Variants in ADH1A observed in about 807,000 individuals in gnomAD.
ADH1A encodes the protein alcohol dehydrogenase 1A (class I), alpha polypeptide.
A neutral mutation model predicts 35.2 loss-of-function variants in ADH1A; 29 were observed. The observed-to-expected ratio is 0.82, with a 90% CI of 0.61 to 1.12. The LOEUF is 1.12. Among genes scored for constraint, ADH1A ranks in the 50% most tolerant of loss-of-function variants. The probability of loss-of-function intolerance (pLI) is 0.00; values close to 1 mark genes in which losing one functional copy is unlikely to be tolerated. For missense variants in ADH1A, 469 were observed against 464.7 expected (o/e 1.01, Z -0.09); for synonymous variants, 147 against 164.8 (o/e 0.89, Z 0.83).
At chr4:99,285,114 A>T (rs750453358) in intron 3 of ADH1A, among the ~76,000 whole-genome samples, 8 of 152,242 alleles carry the variant, frequency 5.3e-5, no homozygotes, top group Non-Finnish European at 1.0e-4. Context: ...GAGGCTTTAC[A>T]AACATTTAAT....
rs1343001329 is a variant in ADH1A, at chr4:99,276,667, G to A, written c.1104-19C>T. 2 of 1,607,392 alleles carry A rather than the reference G, an allele frequency of 1.2e-6. No homozygotes were observed. The highest frequency in any genetic ancestry group is 8.5e-7 in the Non-Finnish European group (1 of 1,173,988). On this transcript the variant is annotated intron_variant, in intron 8 of 8. Coordinates refer to ENST00000209668, the MANE Select transcript of ADH1A (RefSeq NM_000667.4). ...ACGGATACTGCAATAGGAAAGAAGA[G>A]ACATTGTATTAGCATTTAGACATGC...
In ADH1A at chr4:99,284,579, G is replaced by A. The variant is rs374126806; in HGVS notation, c.387C>T (p.Ser129=). Reference sequence around the variant, plus strand: ...TGGGCTTCCTCCTGCAGGTGAACCTGCTGGTGCCATCCTGCAGGGTCCCCT... The same window carrying A: ...TGGGCTTCCTCCTGCAGGTGAACCTACTGGTGCCATCCTGCAGGGTCCCCT... ...NPQGTLQDGT[S]RFTCRRKPIH... is the part of the protein sequence containing the mutation. Residue 129 remains serine, a synonymous_variant, in exon 5 of 9, where the codon AGC becomes AGT. Transcript: ENST00000209668. 1.1e-5 allele frequency: 17 copies of A among 1,614,220 alleles called. No individual in the cohort carries two copies. In the South Asian group the frequency reaches 1.2e-4, roughly 11 times the overall value.
rs747844541 is a variant in ADH1A at position 99,282,602 on chromosome 4, G to A, written c.572C>T (p.Thr191Ile). 72 of 1,609,820 alleles carry A rather than the reference G, an allele frequency of 4.5e-5. No homozygotes were observed. The highest frequency in any genetic ancestry group is 5.8e-5 in the Non-Finnish European group (68 of 1,178,348). The stretch of plus-strand genomic sequence containing the variant: ...AAACACAGCACAGGTAGAGCCTGGG[G>A]TGACCTGTGTTTTCAGAAAATGCAA... ...YGSAVNVAKV[T>I]PGSTCAVFGL... The change falls in exon 6 of 9, where the codon ACC becomes ATC. Residue 191 changes from threonine (T) to isoleucine (I), a missense_variant. Thr to Ile is a moderately conservative substitution (Grantham distance 89). Coordinates refer to ENST00000209668, the MANE Select transcript of ADH1A (RefSeq NM_000667.4).
intron 8 of ADH1A, among the ~76,000 whole-genome samples, chr4:99,277,596 A>G (rs1169165578): frequency 2.6e-5 from 4 of 152,226 alleles, no homozygotes; most frequent in African/African-American, 9.6e-5. Flanking sequence ...TGTTTACTTG[A>G]ATTTCTATCA....
intron 3 of ADH1A, among the ~76,000 whole-genome samples, chr4:99,286,044 G>GAAAAA (rs1733145200): frequency 1.6e-5 from 2 of 127,648 alleles, no homozygotes; most frequent in Non-Finnish European, 3.5e-5. Flanking sequence ...AAAAAAAAGT[G>GAAAAA]ATTTTTTTAG....
At chr4:99,284,076 A>G (rs568824470) in intron 5 of ADH1A, among the ~76,000 whole-genome samples, 1 of 152,326 alleles carries the variant, frequency 6.6e-6, no homozygotes, top group Non-Finnish European at 1.5e-5. Flanking sequence ...TGCCTGAAGC[A>G]TGTGTAGGTG....
At chr4:99,282,136 A>T (rs1377882783) in intron 6 of ADH1A, 3 of 892,696 alleles carry the variant, frequency 3.4e-6, no homozygotes, top group Non-Finnish European at 5.0e-6. Context: ...TTTCCTCTAG[A>T]GGAAATATGA....
At chr4:99,286,685 T>C (rs1733160099) in intron 3 of ADH1A, 165 bp downstream of exon 3, 4 of 1,195,344 alleles carry the variant, frequency 3.3e-6, no homozygotes, top group Admixed American at 2.4e-5. Flanking sequence ...AAGACATACA[T>C]GCTTGAGTCA....
intron 6 of ADH1A, chr4:99,281,278 C>G (rs1177502678): frequency 6.6e-6 from 1 of 152,148 alleles, no homozygotes; most frequent in African/African-American, 2.4e-5. Flanking sequence ...ACGTGTTGGT[C>G]TCTGGAGACT....
chr4:99,277,605 C>T (rs1193864694), intron 8 of ADH1A, among the ~76,000 whole-genome samples: 1 of 152,066 alleles, frequency 6.6e-6, no homozygotes, highest in Non-Finnish European at 1.5e-5. Context: ...GAATTTCTAT[C>T]AACTTCTTAC....
intron 2 of ADH1A, 86 bp downstream of exon 2, chr4:99,287,478 A>C: frequency 1.6e-6 from 2 of 1,270,050 alleles, no homozygotes; most frequent in South Asian, 1.4e-5. Context: ...TATTTTCTGG[A>C]TGATCATATA....
At position 99,290,881 on chromosome 4, in the gene ADH1A, T is replaced by C; in HGVS notation, c.18+16A>G. 3 of 1,611,612 alleles carry C rather than the reference T, an allele frequency of 1.9e-6. No individual in the cohort carries two copies. The highest frequency in any genetic ancestry group is 2.5e-6 in the Non-Finnish European group (3 of 1,177,714). ...GATGAGAATATAGTTCCAACAGTAA[T>C]ATATTTTTTGCTTACTTTTCCTGCT... On this transcript the variant is annotated intron_variant, in intron 1 of 8. Coordinates refer to ENST00000209668, the MANE Select transcript of ADH1A (RefSeq NM_000667.4).
rs1733105783 is a variant in ADH1A at position 99,284,794 on chromosome 4, A to C, written c.269T>G (p.Val90Gly). The C allele has an allele frequency of 1.2e-6, 2 of 1,614,104 alleles. No homozygotes were observed. The highest frequency in any genetic ancestry group is 1.7e-6 in the Non-Finnish European group (2 of 1,179,952). The change falls in exon 4 of 9, where the codon GTC becomes GGC. Residue 90 changes from valine (V) to glycine (G), a missense_variant. Val to Gly is a moderately radical substitution (Grantham distance 109). Transcript: ENST00000209668. ...GVTTVKPGDK[V>G]IPLAIPQCGK... The stretch of plus-strand genomic sequence containing the variant: ...ACACTGAGGAATAGCGAGTGGGATG[A>C]CTTTATCACCTGGAGAGGGATAAAA...
chr4:99,287,712 C>T, intron 1 of ADH1A, 47 bp from the exon 2 acceptor site: 1 of 1,597,216 alleles, frequency 6.3e-7, no homozygotes, highest in Non-Finnish European at 8.6e-7. Flanking sequence ...CCCACGCTTG[C>T]AGTCAGATAT....
At chr4:99,278,706 G>C (rs1732925678) in intron 8 of ADH1A, among the ~76,000 whole-genome samples, 1 of 152,130 alleles carries the variant, frequency 6.6e-6, no homozygotes, top group African/African-American at 2.4e-5. Flanking sequence ...GCAGAAGTTA[G>C]ATATAACTGC....
In ADH1A at chr4:99,279,489, A is replaced by G; in HGVS notation, c.1040T>C (p.Ile347Thr). The change falls in exon 8 of 9, where the codon ATA (isoleucine) becomes ACA (threonine). Residue 347 changes from isoleucine (I) to threonine (T), a missense_variant. Coordinates refer to ENST00000209668, the MANE Select transcript of ADH1A (RefSeq NM_000667.4). Reference sequence around the variant, plus strand: ...TTTTTCAAAAGGTAAAACATGGGTTATTAATGCATCCAATGAAAACTTCTT... The same window carrying G: ...TTTTTCAAAAGGTAAAACATGGGTTGTTAATGCATCCAATGAAAACTTCTT... ...MAKKFSLDAL[I>T]THVLPFEKIN... 3 of 1,612,418 alleles carry G rather than the reference A, an allele frequency of 1.9e-6. No homozygotes were observed. Among genetic ancestry groups the G allele is most frequent in the Non-Finnish European group, 2.5e-6 (3 of 1,179,332 alleles).
intron 5 of ADH1A, among the ~76,000 whole-genome samples, chr4:99,282,845 C>G (rs756094839): frequency 6.6e-6 from 1 of 152,168 alleles, no homozygotes; most frequent in Non-Finnish European, 1.5e-5. Flanking sequence ...ACAGCCCATG[C>G]CAATTAAATG....
chr4:99,286,975 C>T lies in ADH1A; in HGVS notation c.134G>A (p.Gly45Glu). 1 of 1,613,944 alleles carries T rather than the reference C, an allele frequency of 6.2e-7. No individual in the cohort carries two copies. Among genetic ancestry groups the T allele is most frequent in the Non-Finnish European group, 8.5e-7 (1 of 1,179,910 alleles). ...CACGTGGTCATCTGTGCCACAGATT[C>T]CTACAGCCACCATCTACAGAGTGAA... The part of the protein sequence containing the change: ...HEVRIKMVAV[G>E]ICGTDDHVVS... Residue 45 changes from glycine (G) to glutamate (E), a missense_variant, in exon 3 of 9, where the codon GGA becomes GAA. Coordinates refer to ENST00000209668, the MANE Select transcript of ADH1A (RefSeq NM_000667.4).
At chr4:99,284,316 T>C in intron 5 of ADH1A, 83 bp downstream of exon 5, 3 of 1,416,214 alleles carry the variant, frequency 2.1e-6, no homozygotes, top group Non-Finnish European at 3.0e-6. Flanking sequence ...AAAAATAATC[T>C]TCGATTCTTG....
Sources: allele counts gnomAD v4.1 joint callset (sites outside exome capture counted in the v4.1 genomes callset), GRCh38; gene constraint gnomAD v4.1.1; transcripts MANE v1.5; gene names NCBI Gene and HGNC (gene_info 2026-07-23, HGNC 2026-07-21).